Variants in AGPAT4 observed in about 807,000 individuals in gnomAD.
AGPAT4 encodes the protein 1-acyl-sn-glycerol-3-phosphate acyltransferase delta.
In AGPAT4, 15 loss-of-function variants were observed where a neutral mutation model predicts 48.0. The ratio of observed to expected loss-of-function variants is 0.31; its 90% CI spans 0.21 to 0.48. AGPAT4 has a LOEUF of 0.48. Ranked by LOEUF, AGPAT4 falls within the 20% of genes least tolerant of loss-of-function variation. The pLI is 0.99. For missense variants in AGPAT4, 314 were observed against 482.5 expected (o/e 0.65, Z 3.27); for synonymous variants, 178 against 198.7 (o/e 0.90, Z 0.88).
rs965899039 is a variant in AGPAT4, at chr6:161,144,301, C to A, written c.843+2223G>T. On this transcript the variant is annotated intron_variant, in intron 7 of 8. Coordinates refer to ENST00000320285, the MANE Select transcript of AGPAT4 (RefSeq NM_020133.3). This position sits in a 1 kb window ranked among gnomAD's most constrained non-coding sequence, Gnocchi z 6.6. ...GAGAGAAAGGGCCTGGACTCCAGCA[C>A]CTGGCTTTGATCAGTGAGCTGGAAA... 4.4e-6 allele frequency: 2 copies of A among 450,438 alleles called. No homozygotes were observed. The highest frequency in any genetic ancestry group is 2.6e-5 in the Admixed American group (1 of 38,504). The allele number at this position is 450,438 out of a possible 1,614,324, so 27.9% of individuals were successfully genotyped here. A position where few individuals can be genotyped will look rare whatever the true frequency, so the allele number is the denominator to read the frequency against.
In AGPAT4 at chr6:161,195,739, C is replaced by T. The variant is rs1404963157; in HGVS notation, c.179-29322G>A. On this transcript the variant is annotated intron_variant, in intron 2 of 8. Coordinates refer to ENST00000320285, the MANE Select transcript of AGPAT4 (RefSeq NM_020133.3). This position sits in a 1 kb window ranked among gnomAD's most constrained non-coding sequence, Gnocchi z 5.0. Reference sequence around the variant, plus strand: ...TCTGTCTCTCAGATCCAAAACTACACATGCAGAGAACCTGGAGACATTTAG... The same window carrying T: ...TCTGTCTCTCAGATCCAAAACTACATATGCAGAGAACCTGGAGACATTTAG... 6.6e-6 allele frequency among the ~76,000 whole-genome samples: 1 copy of T among 152,218 alleles called. No individual in the cohort carries two copies. Among genetic ancestry groups the T allele is most frequent in the Non-Finnish European group, 1.5e-5 (1 of 68,046 alleles).
intron 2 of AGPAT4, among the ~76,000 whole-genome samples, chr6:161,203,801 C>T (rs1165703724): frequency 6.6e-6 from 1 of 152,186 alleles, no homozygotes; most frequent in African/African-American, 2.4e-5. Flanking sequence ...GTTGAGCTAT[C>T]ACCATCTACC....
rs541122804 is a variant in AGPAT4, at chr6:161,267,755, G to T, written c.-90+6183C>A. Among the ~76,000 whole-genome samples the T allele has an allele frequency of 1.3e-5, 2 of 152,172 alleles. No homozygotes were observed. Among genetic ancestry groups the T allele is most frequent in the Admixed American group, 6.5e-5 (1 of 15,278 alleles). ...AAAAGAAAAGAAAAATATTAGCTGG[G>T]CATGTTAGTACACACCTGTAGTCCC... On this transcript the variant is annotated intron_variant, in intron 1 of 8. Coordinates refer to ENST00000320285, the MANE Select transcript of AGPAT4 (RefSeq NM_020133.3). This position sits in a 1 kb window ranked among gnomAD's most constrained non-coding sequence, Gnocchi z 5.2.
At chr6:161,271,192 C>T (rs1783412181) in intron 1 of AGPAT4, among the ~76,000 whole-genome samples, 1 of 150,834 alleles carries the variant, frequency 6.6e-6, no homozygotes, top group Non-Finnish European at 1.5e-5. Flanking sequence ...CTGACTTCTC[C>T]CTTCTTGGAG....
intron 7 of AGPAT4, among the ~76,000 whole-genome samples, chr6:161,145,942 G>C (rs760227259): frequency 1.3e-5 from 2 of 151,690 alleles, no homozygotes; most frequent in African/African-American, 4.9e-5. Flanking sequence ...GTAGTTATGA[G>C]ACTCCCTTCC....
At chr6:161,175,584 C>T (rs901298863) in intron 2 of AGPAT4, among the ~76,000 whole-genome samples, 3 of 152,226 alleles carry the variant, frequency 2.0e-5, no homozygotes, top group Admixed American at 6.5e-5. Context: ...TTTCAAAAAA[C>T]CAGCTCCTGG....
chr6:161,270,483 T>A lies in AGPAT4; in HGVS notation c.-90+3455A>T, dbSNP rs1783389722. On this transcript the variant is annotated intron_variant, in intron 1 of 8. Transcript: ENST00000320285. The surrounding 1 kb of genome is among the most constrained non-coding windows in gnomAD (Gnocchi z 5.3). The stretch of plus-strand genomic sequence containing the variant: ...GTCAAACACCATTCAGAAATGTGAA[T>A]GTGGGCCAGGCACGGTGGCTCACGC... Among the ~76,000 whole-genome samples, 1 of 152,160 alleles carries A rather than the reference T, an allele frequency of 6.6e-6. No homozygotes were observed. Among genetic ancestry groups the A allele is most frequent in the Non-Finnish European group, 1.5e-5 (1 of 68,018 alleles).
rs1043262954 is a variant in AGPAT4, at chr6:161,204,490, C to G, written c.178+27546G>C. Reference sequence around the variant, plus strand: ...AATACTTCAGTTACTATTTAGTACCCCCTCCAAAATTCTCCCTTTCCAGCT... The same window carrying G: ...AATACTTCAGTTACTATTTAGTACCGCCTCCAAAATTCTCCCTTTCCAGCT... On this transcript the variant is annotated intron_variant, in intron 2 of 8. Transcript: ENST00000320285. This position sits in a 1 kb window ranked among gnomAD's most constrained non-coding sequence, Gnocchi z 4.4. Among the ~76,000 whole-genome samples the G allele has an allele frequency of 6.6e-6, 1 of 152,018 alleles. No homozygotes were observed. Among genetic ancestry groups the G allele is most frequent in the African/African-American group, 2.4e-5 (1 of 41,384 alleles).
chr6:161,210,258 T>C (rs1414295157), intron 2 of AGPAT4, among the ~76,000 whole-genome samples: 1 of 152,174 alleles, frequency 6.6e-6, no homozygotes, highest in Non-Finnish European at 1.5e-5. Flanking sequence ...ACCACCAGAC[T>C]TTTTCTCTCT....
chr6:161,196,131 GC>G lies in AGPAT4; in HGVS notation c.179-29715del, dbSNP rs1320041180. On this transcript the variant is annotated intron_variant, in intron 2 of 8. Transcript: ENST00000320285. The surrounding 1 kb of genome is among the most constrained non-coding windows in gnomAD (Gnocchi z 4.3). Reference sequence around the variant, plus strand: ...ACCTCTTTCTAGAATGGTGTGGTTCGCCATCTTAAGAGCACTGTCTTTCTAG... The same window carrying G: ...ACCTCTTTCTAGAATGGTGTGGTTCGCATCTTAAGAGCACTGTCTTTCTAG... Among the ~76,000 whole-genome samples, 2 of 152,110 alleles carry G rather than the reference GC, an allele frequency of 1.3e-5. No individual in the cohort carries two copies. The highest frequency in any genetic ancestry group is 4.8e-5 in the African/African-American group (2 of 41,410).
chr6:161,208,830 AAGCCGAAGGCC>A lies in AGPAT4; in HGVS notation c.178+23195_178+23205del. ...ATCAATTCATAATTTGTAACAATTC[AAGCCGAAGGCC>A]AGGATGAAATGCACAGCTGCCTAAC... On this transcript the variant is annotated intron_variant, in intron 2 of 8. Coordinates refer to ENST00000320285, the MANE Select transcript of AGPAT4 (RefSeq NM_020133.3). The surrounding 1 kb of genome is among the most constrained non-coding windows in gnomAD (Gnocchi z 4.6). Among the ~76,000 whole-genome samples, 1 of 152,384 alleles carries A rather than the reference AAGCCGAAGGCC, an allele frequency of 6.6e-6. No individual in the cohort carries two copies. Among genetic ancestry groups the A allele is most frequent in the Non-Finnish European group, 1.5e-5 (1 of 68,036 alleles).
chr6:161,209,327 T>G (rs1263365065), intron 2 of AGPAT4, among the ~76,000 whole-genome samples: 1 of 152,216 alleles, frequency 6.6e-6, no homozygotes, highest in Non-Finnish European at 1.5e-5. Flanking sequence ...TGACACTGTA[T>G]GAGCCATGGA....
rs960671776 is a variant in AGPAT4, at chr6:161,215,149, T to C, written c.178+16887A>G. ...TCTATAGGCTTGAGTACAATTTTAA[T>C]ACTATTACAAGAGTCTTCACAATTT... is the stretch of plus-strand genomic sequence containing the variant. On this transcript the variant is annotated intron_variant, in intron 2 of 8. Coordinates refer to ENST00000320285, the MANE Select transcript of AGPAT4 (RefSeq NM_020133.3). This position sits in a 1 kb window ranked among gnomAD's most constrained non-coding sequence, Gnocchi z 4.5. Among the ~76,000 whole-genome samples, 2 of 152,238 alleles carry C rather than the reference T, an allele frequency of 1.3e-5. No homozygotes were observed. The highest frequency in any genetic ancestry group is 4.8e-5 in the African/African-American group (2 of 41,468).
rs541477590 is a variant in AGPAT4 at position 161,137,428 on chromosome 6, C to T, written c.1043-794G>A. On this transcript the variant is annotated intron_variant, in intron 8 of 8. Coordinates refer to ENST00000320285, the MANE Select transcript of AGPAT4 (RefSeq NM_020133.3). The surrounding 1 kb of genome is among the most constrained non-coding windows in gnomAD (Gnocchi z 6.1). ...AATCATGATGCACAGGATTATCTAG[C>T]ATTAGCATCGCGGTCGATAAACTAA... Among the ~76,000 whole-genome samples the T allele has an allele frequency of 7.9e-4, 120 of 152,308 alleles. No individual in the cohort carries two copies. The highest frequency in any genetic ancestry group is 2.7e-3 in the African/African-American group (112 of 41,566).
chr6:161,151,617 A>G (rs1357786050), intron 5 of AGPAT4, among the ~76,000 whole-genome samples: 2 of 152,228 alleles, frequency 1.3e-5, no homozygotes, highest in South Asian at 4.1e-4. Flanking sequence ...TGGGATGCTG[A>G]GCCCTTTACC....
intron 2 of AGPAT4, among the ~76,000 whole-genome samples, chr6:161,181,645 A>G (rs1780595771): frequency 6.6e-6 from 1 of 152,150 alleles, no homozygotes; most frequent in Non-Finnish European, 1.5e-5. Flanking sequence ...TGGCACGATC[A>G]TGGCTCACTG....
rs2114761973 is a variant in AGPAT4 at position 161,267,925 on chromosome 6, C to T, written c.-90+6013G>A. 6.6e-6 allele frequency among the ~76,000 whole-genome samples: 1 copy of T among 152,168 alleles called. No individual in the cohort carries two copies. Among genetic ancestry groups the T allele is most frequent in the Admixed American group, 6.5e-5 (1 of 15,280 alleles). On this transcript the variant is annotated intron_variant, in intron 1 of 8. Coordinates refer to ENST00000320285, the MANE Select transcript of AGPAT4 (RefSeq NM_020133.3). The surrounding 1 kb of genome is among the most constrained non-coding windows in gnomAD (Gnocchi z 5.2). The stretch of plus-strand genomic sequence containing the variant: ...ACAAAACTAAAAAATAAATTTACCA[C>T]ATATCTGTTATGTGCCAGGCTCTGC...
chr6:161,195,321 G>GA lies in AGPAT4; in HGVS notation c.179-28905dup, dbSNP rs1297110432. Reference sequence around the variant, plus strand: ...CAGTGGCAGTCTTCCCAAAATAAAAGAAAAAAAGTAATTATTCAGAGAAGA... The same window carrying GA: ...CAGTGGCAGTCTTCCCAAAATAAAAGAAAAAAAAGTAATTATTCAGAGAAGA... On this transcript the variant is annotated intron_variant, in intron 2 of 8. Coordinates refer to ENST00000320285, the MANE Select transcript of AGPAT4 (RefSeq NM_020133.3). The surrounding 1 kb of genome is among the most constrained non-coding windows in gnomAD (Gnocchi z 5.0). Among the ~76,000 whole-genome samples the GA allele has an allele frequency of 1.3e-5, 2 of 151,986 alleles. No homozygotes were observed. Among genetic ancestry groups the GA allele is most frequent in the Admixed American group, 1.3e-4 (2 of 15,254 alleles).
rs909187637 is a variant in AGPAT4 at position 161,225,319 on chromosome 6, G to A, written c.178+6717C>T. Among the ~76,000 whole-genome samples, 1 of 152,184 alleles carries A rather than the reference G, an allele frequency of 6.6e-6. No homozygotes were observed. Among genetic ancestry groups the A allele is most frequent in the African/African-American group, 2.4e-5 (1 of 41,452 alleles). On this transcript the variant is annotated intron_variant, in intron 2 of 8. Transcript: ENST00000320285. The surrounding 1 kb of genome is among the most constrained non-coding windows in gnomAD (Gnocchi z 5.0). ...TGCAGTCTAACCCTAGCCAATAGGG[G>A]AAGGACACAGCAGCAGGGGCCATGG... is the stretch of plus-strand genomic sequence containing the variant.
Sources: gnomAD v4.1 joint callset for allele counts (sites outside exome capture counted in the v4.1 genomes callset) on GRCh38, gnomAD v4.1.1 for gene constraint, Gnocchi (gnomAD v3.1) non-coding constraint, MANE v1.5 for transcripts, NCBI Gene and HGNC (gene_info 2026-07-23, HGNC 2026-07-21) for gene names.